The following SPAG17 variants were observed in gnomAD, a reference collection of about 807,000 sequenced individuals.
SPAG17 encodes the protein sperm associated antigen 17, also known as sperm-associated antigen 17.
In SPAG17, 169 loss-of-function variants were observed where a neutral mutation model predicts 273.6. The observed-to-expected ratio is 0.62, with a 90% CI of 0.55 to 0.70. The LOEUF (loss-of-function observed/expected upper bound fraction) is 0.70. Among genes scored for constraint, SPAG17 ranks in the 30% least tolerant of loss-of-function variants. The probability of loss-of-function intolerance (pLI) is 0.00; values close to 1 mark genes in which losing one functional copy is unlikely to be tolerated. For synonymous variants in SPAG17, 825 were observed against 873.2 expected (o/e 0.94, Z 0.97); for missense variants, 2,557 against 2,627.8 (o/e 0.97, Z 0.59).
intron 3 of SPAG17, among the ~76,000 whole-genome samples, chr1:118,125,311 G>A (rs1344841521): frequency 6.6e-6 from 1 of 151,990 alleles, no homozygotes; most frequent in African/African-American, 2.4e-5. Flanking sequence ...CATGTGTAGA[G>A]TGTGTAATGA....
At chr1:117,976,792 G>GT (rs1301138059) in intron 43 of SPAG17, among the ~76,000 whole-genome samples, 3 of 152,158 alleles carry the variant, frequency 2.0e-5, no homozygotes, top group Non-Finnish European at 4.4e-5. Context: ...CAGACTGGTT[G>GT]TTTTAAGCCA....
At chr1:118,112,220 T>C (rs573576575) in intron 4 of SPAG17, among the ~76,000 whole-genome samples, 2 of 152,130 alleles carry the variant, frequency 1.3e-5, no homozygotes, top group South Asian at 4.1e-4. Context: ...ATAATTAATA[T>C]ATAATACAAA....
At chr1:118,122,153 C>G (rs946586511) in intron 3 of SPAG17, among the ~76,000 whole-genome samples, 211 of 149,256 alleles carry the variant, frequency 1.4e-3, no homozygotes, top group Middle Eastern at 6.9e-3. Context: ...GTCTGTGTGT[C>G]TGTGTGTGTG....
intron 21 of SPAG17, 138 bp from the exon 22 acceptor site, chr1:118,040,979 C>T: frequency 1.5e-6 from 1 of 661,546 alleles, no homozygotes; most frequent in Admixed American, 2.7e-5. Context: ...ACTCAGAGGC[C>T]AGTGTTCATA....
Position 117,960,354 on chromosome 1 carries a change from A to G in SPAG17, c.*3445T>C, listed in dbSNP as rs956702516. ...TATTGTATACTGTATTCTTAAAGTA[A>G]GCTAGAGAAAAGAAAATGTTACTTA... On this transcript the variant is annotated intron_variant, in intron 48 of 48. Coordinates refer to ENST00000336338, the MANE Select transcript of SPAG17 (RefSeq NM_206996.4). 2.0e-5 allele frequency: 3 copies of G among 152,192 alleles called. No individual in the cohort carries two copies. The East Asian group carries it at 5.8e-4, about 29-fold the overall frequency. 9.4% of individuals were successfully genotyped at this position (152,192 alleles called of 1,614,324 possible).
intron 15 of SPAG17, chr1:118,076,393 A>G (rs1449395170): frequency 1.3e-5 from 2 of 152,130 alleles, no homozygotes; most frequent in Non-Finnish European, 1.5e-5. Context: ...TGAACGTTCC[A>G]TTTTGATTTA....
At chr1:117,960,230 C>G (rs1000241479) in intron 48 of SPAG17, 1 of 151,810 alleles carries the variant, frequency 6.6e-6, no homozygotes, top group Non-Finnish European at 1.5e-5. Context: ...CACCCCTACG[C>G]CCCGCACAGT....
chr1:118,136,829 GTGTT>G (rs1173364195), intron 3 of SPAG17, among the ~76,000 whole-genome samples: 2 of 151,596 alleles, frequency 1.3e-5, no homozygotes, highest in South Asian at 4.2e-4. Context: ...GTGTGTGTGT[GTGTT>G]TTTAATGATG....
intron 48 of SPAG17, chr1:117,961,089 C>G (rs979769079): frequency 6.6e-6 from 1 of 152,196 alleles, no homozygotes; most frequent in Non-Finnish European, 1.5e-5. Context: ...CCAGACCAGC[C>G]TGGCCAACAT....
At position 117,959,542 on chromosome 1, in the gene SPAG17, A is replaced by G. The variant is rs1281821687; in HGVS notation, c.*4257T>C. 4 of 1,310,562 alleles carry G rather than the reference A, an allele frequency of 3.1e-6. No individual in the cohort carries two copies. In the African/African-American group the frequency reaches 6.0e-5, roughly 20 times the overall value. The allele number at this position is 1,310,562 out of a possible 1,614,324, so 81.2% of individuals were successfully genotyped here. On this transcript the variant is annotated intron_variant, in intron 48 of 48. Coordinates refer to ENST00000336338, the MANE Select transcript of SPAG17 (RefSeq NM_206996.4). ...AGTTGGCGTCATCTTAAAAATACCA[A>G]ATAACAGAAGATCGCATTGCAGATG...
Position 118,151,232 on chromosome 1 carries a change from C to T in SPAG17, c.225G>A (p.Gln75=), listed in dbSNP as rs1453101285. 3.8e-6 allele frequency: 6 copies of T among 1,577,310 alleles called. No homozygotes were observed. The South Asian group carries it at 7.2e-5, about 19-fold the overall frequency. ...TGAGGTAGGAAGGGACAGGTACCTG[C>T]TGGAGAATGTCTTGCCACGACACCA... ...FSMVSWQDIL[Q]QINEINTLVG... The change falls in exon 2 of 49, where the codon CAG becomes CAA. Residue 75 remains glutamine (Q), a synonymous_variant. Transcript: ENST00000336338.
chr1:117,965,106 T>C (rs1435472385), intron 47 of SPAG17: 1 of 152,240 alleles, frequency 6.6e-6, no homozygotes, highest in Non-Finnish European at 1.5e-5. Context: ...TGAAAGAATA[T>C]CCATAACTAA....
chr1:117,979,833 CCTT>C (rs1202271662), intron 43 of SPAG17, among the ~76,000 whole-genome samples: 2 of 152,152 alleles, frequency 1.3e-5, no homozygotes, highest in African/African-American at 4.8e-5. Context: ...AGGGCTGACT[CCTT>C]CTTATACTTG....
rs143965207 is a variant in SPAG17, at chr1:117,998,668, T to C, written c.4777-1925A>G. Among the ~76,000 whole-genome samples the C allele has an allele frequency of 4.5e-4, 68 of 152,286 alleles. 1 individual carries two copies. In the East Asian group the frequency reaches 0.012, roughly 26 times the overall value. Reference sequence around the variant, plus strand: ...GGCAGTATGGCCATTTTAACAATATTGATTGTTCCTATCCATGATCATGGA... The same window carrying C: ...GGCAGTATGGCCATTTTAACAATATCGATTGTTCCTATCCATGATCATGGA... On this transcript the variant is annotated intron_variant, in intron 32 of 48. Coordinates refer to ENST00000336338, the MANE Select transcript of SPAG17 (RefSeq NM_206996.4).
chr1:117,979,656 A>G (rs1039492888), intron 43 of SPAG17, among the ~76,000 whole-genome samples: 25 of 152,308 alleles, frequency 1.6e-4, no homozygotes, highest in African/African-American at 6.0e-4. Context: ...AACTGCGCTG[A>G]GAAGTACTAC....
At chr1:117,971,388 C>A (rs1654537614) in intron 45 of SPAG17, among the ~76,000 whole-genome samples, 1 of 152,222 alleles carries the variant, frequency 6.6e-6, no homozygotes, top group African/African-American at 2.4e-5. Flanking sequence ...TACACAGTTT[C>A]TCCTTTTATA....
chr1:118,132,223 C>A (rs576538493), intron 3 of SPAG17, among the ~76,000 whole-genome samples: 2 of 152,198 alleles, frequency 1.3e-5, no homozygotes, highest in South Asian at 2.1e-4. Context: ...GTGGCTATGA[C>A]TGAGGTCAGG....
At chr1:118,179,414 G>A (rs985526168) in intron 1 of SPAG17, among the ~76,000 whole-genome samples, 4 of 151,882 alleles carry the variant, frequency 2.6e-5, no homozygotes, top group Non-Finnish European at 5.9e-5. Flanking sequence ...CTAGACCCCT[G>A]TCTCTCTCCA....
chr1:118,085,798 A>G (rs1475581417), intron 13 of SPAG17, 124 bp downstream of exon 13: 1 of 897,014 alleles, frequency 1.1e-6, no homozygotes, highest in Non-Finnish European at 1.6e-6. Flanking sequence ...CAAAATACCC[A>G]CCTTAGCCTC....
Sources: gnomAD v4.1 joint callset for allele counts (sites outside exome capture counted in the v4.1 genomes callset) on GRCh38, gnomAD v4.1.1 for gene constraint, MANE v1.5 for transcripts, NCBI Gene and HGNC (gene_info 2026-07-23, HGNC 2026-07-21) for gene names.